The following B4GALT6 variants were observed in gnomAD, a reference collection of about 807,000 sequenced individuals.
The protein encoded by B4GALT6 is beta-1,4-galactosyltransferase 6, also known as UDP-Gal:beta-GlcNAc beta-1,4-galactosyltransferase 6.
In B4GALT6, 14 loss-of-function variants were observed where a neutral mutation model predicts 46.3. The ratio of observed to expected loss-of-function variants is 0.30; its 90% CI spans 0.20 to 0.47. B4GALT6 has a LOEUF of 0.47. B4GALT6 is among the 20% of genes least tolerant of loss of function. The pLI, the probability that B4GALT6 is intolerant of heterozygous loss-of-function variation, is 0.99. For synonymous variants in B4GALT6, 168 were observed against 162.0 expected (o/e 1.04, Z -0.28); for missense variants, 386 against 480.1 (o/e 0.80, Z 1.83).
At chr18:31,628,392 G>A (rs117954812) in intron 6 of B4GALT6, among the ~76,000 whole-genome samples, 1 of 152,304 alleles carries the variant, frequency 6.6e-6, no homozygotes, top group Non-Finnish European at 1.5e-5. Flanking sequence ...TCGTCAGATA[G>A]GGAAACATGA....
At chr18:31,714,854 T>C in the B4GALT6 span, among the ~76,000 whole-genome samples, 1 of 152,306 alleles carries the variant, frequency 6.6e-6, no homozygotes, top group East Asian at 1.9e-4. Context: ...TCCCTGGCTC[T>C]ATGGCAGGCC....
At chr18:31,652,570 T>C (rs1367440219) in intron 3 of B4GALT6, among the ~76,000 whole-genome samples, 1 of 152,198 alleles carries the variant, frequency 6.6e-6, no homozygotes, top group Non-Finnish European at 1.5e-5. Flanking sequence ...TCCGGATCTC[T>C]TACTAAAGGC....
In B4GALT6 at chr18:31,684,377, G is replaced by C; in HGVS notation, c.50C>G (p.Ala17Gly). 1 of 1,613,704 alleles carries C rather than the reference G, an allele frequency of 6.2e-7. No individual in the cohort carries two copies. The change falls in exon 1 of 9, where the codon GCC (alanine) becomes GGC (glycine). Residue 17 changes from alanine (A) to glycine (G), a missense_variant. Transcript: ENST00000306851. The part of the protein sequence containing the change: ...MMRVSNRSLL[A>G]FIFFFSLSSS... ...AGAGAGGGAGAAGAAGAAGATGAAGGCGAGGAGAGAGCGATTGGAAACCCG... is the reference window on the plus strand; with the variant it reads ...AGAGAGGGAGAAGAAGAAGATGAAGCCGAGGAGAGAGCGATTGGAAACCCG...
intron 1 of B4GALT6, among the ~76,000 whole-genome samples, 196 bp downstream of exon 1, chr18:31,684,116 T>C (rs1435880799): frequency 6.6e-6 from 1 of 152,228 alleles, no homozygotes; most frequent in Non-Finnish European, 1.5e-5. Context: ...ATTAACAAAA[T>C]GCATGCATTA....
At chr18:31,688,248 T>C (rs527612488), upstream of B4GALT6, among the ~76,000 whole-genome samples, 1 of 127,232 alleles carries the variant, frequency 7.9e-6, no homozygotes, top group African/African-American at 3.6e-5. Context: ...TAATTGAGTG[T>C]ATATATATAT....
At chr18:31,636,515 T>A (rs2073860962) in intron 5 of B4GALT6, among the ~76,000 whole-genome samples, 1 of 152,166 alleles carries the variant, frequency 6.6e-6, no homozygotes, top group Non-Finnish European at 1.5e-5. Context: ...GAAAAGATCA[T>A]CAACATTAAT....
the B4GALT6 span, among the ~76,000 whole-genome samples, chr18:31,691,733 T>C: frequency 4.6e-5 from 7 of 152,270 alleles, no homozygotes; most frequent in African/African-American, 7.2e-5. Flanking sequence ...AATTAAGATA[T>C]AGGATTCAGG....
intron 3 of B4GALT6, among the ~76,000 whole-genome samples, chr18:31,653,199 T>C (rs529369574): frequency 3.4e-4 from 52 of 151,988 alleles, no homozygotes; most frequent in African/African-American, 1.2e-3. Flanking sequence ...TCCTCAGTCC[T>C]TTACACAAGA....
chr18:31,660,845 A>C (rs1474499478), intron 2 of B4GALT6, among the ~76,000 whole-genome samples: 1 of 152,198 alleles, frequency 6.6e-6, no homozygotes, highest in African/African-American at 2.4e-5. Context: ...CAAAGCTCCA[A>C]GATGCTCTTT....
At chr18:31,687,191 A>G (rs138913249), upstream of B4GALT6, among the ~76,000 whole-genome samples, 188 of 152,352 alleles carry the variant, frequency 1.2e-3, 1 homozygote, top group African/African-American at 4.3e-3. Flanking sequence ...AAACAAGCCT[A>G]GTCGGTGCAG....
In B4GALT6 at chr18:31,666,236, T is replaced by A; in HGVS notation, c.232+20A>T. On this transcript the variant is annotated intron_variant, in intron 2 of 8. Transcript: ENST00000306851. ...TTACTGCTTTGTAACTACAAGGGGTTAAGCAGGAAGTAGTCTTACCTGTAC... is the reference window on the plus strand; with the variant it reads ...TTACTGCTTTGTAACTACAAGGGGTAAAGCAGGAAGTAGTCTTACCTGTAC... The A allele has an allele frequency of 7.1e-7, 1 of 1,416,844 alleles. No individual in the cohort carries two copies. The highest frequency in any genetic ancestry group is 9.8e-7 in the Non-Finnish European group (1 of 1,020,806). The allele number at this position is 1,416,844 out of a possible 1,614,324, so 87.8% of individuals were successfully genotyped here. A position where few individuals can be genotyped will look rare whatever the true frequency, so the allele number is the denominator to read the frequency against.
chr18:31,684,623 G>A, upstream of B4GALT6: 2 of 1,287,922 alleles, frequency 1.6e-6, no homozygotes, highest in Non-Finnish European at 2.0e-6. Context: ...AGGCCAGAGA[G>A]TCGGGGGAGG....
chr18:31,649,595 T>C (rs566153990), intron 3 of B4GALT6, among the ~76,000 whole-genome samples: 11 of 87,202 alleles, frequency 1.3e-4, no homozygotes, highest in African/African-American at 4.6e-4. Context: ...AAAAAAAAAA[T>C]GAGCAAAAGA....
the B4GALT6 span, among the ~76,000 whole-genome samples, chr18:31,718,306 C>G: frequency 6.6e-6 from 1 of 152,194 alleles, no homozygotes; most frequent in African/African-American, 2.4e-5. Context: ...GAACATCTTA[C>G]AATGCACAGG....
chr18:31,702,657 CA>C, the B4GALT6 span, among the ~76,000 whole-genome samples: 1 of 152,114 alleles, frequency 6.6e-6, no homozygotes, highest in East Asian at 1.9e-4. Context: ...ACTGTAACCA[CA>C]AAAAGGCCTA....
chr18:31,665,063 G>A (rs987167131), intron 2 of B4GALT6, among the ~76,000 whole-genome samples: 7 of 152,340 alleles, frequency 4.6e-5, no homozygotes, highest in African/African-American at 1.2e-4. Flanking sequence ...TTTTAGAAGG[G>A]TCTAAAACTA....
At chr18:31,644,637 C>G (rs1435571520) in intron 4 of B4GALT6, among the ~76,000 whole-genome samples, 3 of 152,190 alleles carry the variant, frequency 2.0e-5, no homozygotes, top group African/African-American at 4.8e-5. Flanking sequence ...TGAATATGCA[C>G]TTGTTAACCA....
the B4GALT6 span, among the ~76,000 whole-genome samples, chr18:31,705,027 A>C: frequency 6.6e-6 from 1 of 152,262 alleles, no homozygotes; most frequent in East Asian, 1.9e-4. Flanking sequence ...AAATCAGGCA[A>C]ACAAGACAAA....
the B4GALT6 span, among the ~76,000 whole-genome samples, chr18:31,722,719 T>C: frequency 6.6e-6 from 1 of 152,158 alleles, no homozygotes; most frequent in South Asian, 2.1e-4. Context: ...GTTCCGGTAA[T>C]GTTGGCAGTC....
Sources: allele counts gnomAD v4.1 joint callset (sites outside exome capture counted in the v4.1 genomes callset), GRCh38; gene constraint gnomAD v4.1.1; transcripts MANE v1.5; gene names NCBI Gene and HGNC (gene_info 2026-07-23, HGNC 2026-07-21).